SLC38A8: variants seen among roughly 807,000 people sequenced by gnomAD.
SLC38A8 encodes amino acid transporter SLC38A8.
SLC38A8 carries 65 observed loss-of-function variants against 46.0 expected under a neutral mutation model. The ratio of observed to expected loss-of-function variants is 1.41; its 90% CI spans 1.16 to 1.74. SLC38A8 has a LOEUF of 1.74. Among genes scored for constraint, SLC38A8 ranks in the 40% most tolerant of loss-of-function variants. SLC38A8 has a pLI of 0.00. For missense variants in SLC38A8, 998 were observed against 567.9 expected (o/e 1.76, Z -7.70); for synonymous variants, 447 against 243.7 (o/e 1.83, Z -7.77).
At chr16:84,025,106 C>T (rs1057176682) in intron 6 of SLC38A8, among the ~76,000 whole-genome samples, 1 of 152,200 alleles carries the variant, frequency 6.6e-6, no homozygotes, top group Non-Finnish European at 1.5e-5. Flanking sequence ...TACTGATGTA[C>T]AGCCAGGGCT....
rs767949780 is a variant in SLC38A8, at chr16:84,023,338, T to C, written c.691-449A>G. Among the ~76,000 whole-genome samples the C allele has an allele frequency of 6.7e-4, 102 of 152,216 alleles. No individual in the cohort carries two copies. The Middle Eastern group carries it at 0.02, about 30-fold the overall frequency. On this transcript the variant is annotated intron_variant, in intron 6 of 10. Transcript: ENST00000299709. ...GGACTTGCATCAGGAATAAAGGCTC[T>C]TGTACTCCTTTGCTCGGGTGTGCTC...
At chr16:84,013,425 T>TG (rs1491102812) in intron 9 of SLC38A8, among the ~76,000 whole-genome samples, 57 of 43,282 alleles carry the variant, frequency 1.3e-3, no homozygotes, top group Non-Finnish European at 1.9e-3. Flanking sequence ...TGTGTGTGTG[T>TG]TTTTTTTTTT....
intron 6 of SLC38A8, among the ~76,000 whole-genome samples, chr16:84,026,415 TG>T (rs1273813032): frequency 1.3e-5 from 2 of 152,132 alleles, no homozygotes; most frequent in Admixed American, 1.3e-4. Context: ...TTAGTGAAGA[TG>T]GGGTTTCACC....
intron 3 of SLC38A8, among the ~76,000 whole-genome samples, chr16:84,034,090 C>G (rs1402213153): frequency 5.9e-5 from 9 of 152,210 alleles, no homozygotes; most frequent in Admixed American, 4.6e-4. Context: ...TGGCTCCCCA[C>G]AACACCTACT....
intron 9 of SLC38A8, among the ~76,000 whole-genome samples, chr16:84,016,168 G>A (rs762869705): frequency 6.6e-6 from 1 of 152,252 alleles, no homozygotes; most frequent in Non-Finnish European, 1.5e-5. Flanking sequence ...CAGATCTCAT[G>A]AGACTTATTC....
chr16:84,030,657 G>T (rs2085227056), intron 5 of SLC38A8, among the ~76,000 whole-genome samples: 1 of 152,136 alleles, frequency 6.6e-6, no homozygotes, highest in Admixed American at 6.5e-5. Context: ...CAAGCTGAGA[G>T]CTCCAAGTTA....
intron 7 of SLC38A8, among the ~76,000 whole-genome samples, chr16:84,019,409 A>C (rs996397067): frequency 2.6e-5 from 4 of 152,112 alleles, no homozygotes; most frequent in Non-Finnish European, 4.4e-5. Context: ...TAATGTACCA[A>C]TTTGGCATAC....
intron 6 of SLC38A8, among the ~76,000 whole-genome samples, chr16:84,026,603 G>C (rs1472171236): frequency 2.6e-5 from 4 of 152,232 alleles, no homozygotes; most frequent in African/African-American, 4.8e-5. Context: ...GCAGTGGGCA[G>C]TTGCTCGGTG....
rs750811149 is a variant in SLC38A8 at position 84,042,114 on chromosome 16, G to T, written c.44C>A (p.Pro15His). 1.2e-6 allele frequency: 2 copies of T among 1,613,734 alleles called. No homozygotes were observed. The highest frequency in any genetic ancestry group is 2.7e-5 in the African/African-American group (2 of 74,916). ...AGTGGCAGCAGCCGTGGCAGGGTGA[G>T]GCTTTTCTGGAAGGCCCCTGCTTCC... ...TPGSRGLPEK[P>H]HPATAAATLS... Residue 15 changes from proline to histidine, a missense_variant, in exon 2 of 11, where the codon CCT becomes CAT. Transcript: ENST00000299709.
intron 6 of SLC38A8, among the ~76,000 whole-genome samples, chr16:84,025,269 C>T (rs1487470002): frequency 6.6e-6 from 1 of 152,174 alleles, no homozygotes; most frequent in Non-Finnish European, 1.5e-5. Flanking sequence ...CGTGCCAAGG[C>T]CTCATTCCTG....
intron 5 of SLC38A8, among the ~76,000 whole-genome samples, chr16:84,031,063 C>G (rs991692555): frequency 5.3e-5 from 8 of 152,078 alleles, no homozygotes; most frequent in Non-Finnish European, 1.0e-4. Context: ...TTTTTTGAGA[C>G]AGAGTCTTGC....
intron 9 of SLC38A8, among the ~76,000 whole-genome samples, chr16:84,014,439 A>C (rs537050013): frequency 1.3e-5 from 2 of 150,240 alleles, no homozygotes; most frequent in Admixed American, 1.3e-4. Context: ...CACACCCCTC[A>C]CCTCTGAAAG....
chr16:84,032,858 G>A (rs200315465), intron 4 of SLC38A8, among the ~76,000 whole-genome samples: 10 of 152,114 alleles, frequency 6.6e-5, no homozygotes, highest in East Asian at 3.9e-4. Context: ...ACACATGTGC[G>A]TGCATGGGCA....
rs142554212 is a variant in SLC38A8 at position 84,018,162 on chromosome 16, G to A, written c.806-875C>T. Among the ~76,000 whole-genome samples, 8 of 148,828 alleles carry A rather than the reference G, an allele frequency of 5.4e-5. No individual in the cohort carries two copies. In the East Asian group the frequency reaches 1.7e-3, roughly 31 times the overall value. On this transcript the variant is annotated intron_variant, in intron 7 of 10. Transcript: ENST00000299709. ...GAGGGCCTTCTTGCCAATGGGGACT[G>A]TCTTCAGAGGTGGCATAGGGCATTG... is the stretch of plus-strand genomic sequence containing the variant.
At position 84,022,647 on chromosome 16, in the gene SLC38A8, A is replaced by C. The variant is rs1340625543; in HGVS notation, c.805+128T>G. 7.0e-6 allele frequency: 5 copies of C among 712,870 alleles called. No homozygotes were observed. The African/African-American group carries it at 9.1e-5, about 13-fold the overall frequency. 44.2% of individuals were successfully genotyped at this position (712,870 alleles called of 1,614,324 possible). Reference sequence around the variant, plus strand: ...CTTTTCCTATGCACACTAAGGATTAAATAAGATGCTCAAAACATTGAGTAT... The same window carrying C: ...CTTTTCCTATGCACACTAAGGATTACATAAGATGCTCAAAACATTGAGTAT... On this transcript the variant is annotated intron_variant, in intron 7 of 10. Coordinates refer to ENST00000299709, the MANE Select transcript of SLC38A8 (RefSeq NM_001080442.3).
chr16:84,031,461 C>T lies in SLC38A8; in HGVS notation c.632+406G>A, dbSNP rs564532939. The stretch of plus-strand genomic sequence containing the variant: ...CTCGCCGTGGCTCTGAATCCCTGTA[C>T]GACATCCCCGCCCATGCTCTCTGCC... On this transcript the variant is annotated intron_variant, in intron 5 of 10. Transcript: ENST00000299709. 5.7e-4 allele frequency among the ~76,000 whole-genome samples: 87 copies of T among 152,334 alleles called. 1 individual carries two copies. The Middle Eastern group carries it at 0.014, about 24-fold the overall frequency.
At chr16:84,025,062 G>A (rs553239326) in intron 6 of SLC38A8, among the ~76,000 whole-genome samples, 7 of 152,262 alleles carry the variant, frequency 4.6e-5, no homozygotes, top group African/African-American at 1.4e-4. Flanking sequence ...TGGGTGGGTC[G>A]TGGACATTGG....
chr16:84,011,813 G>T (rs966247036), intron 10 of SLC38A8, among the ~76,000 whole-genome samples: 1 of 152,190 alleles, frequency 6.6e-6, no homozygotes, highest in Non-Finnish European at 1.5e-5. Context: ...GAGCCCAGGG[G>T]GTTGAGGCTG....
chr16:84,016,847 C>A, intron 8 of SLC38A8, 120 bp from the exon 9 acceptor site: 1 of 1,192,560 alleles, frequency 8.4e-7, no homozygotes, highest in South Asian at 1.6e-5. Flanking sequence ...GTTCCACACT[C>A]AGGTGTTTAT....
Sources: allele counts gnomAD v4.1 joint callset (sites outside exome capture counted in the v4.1 genomes callset), GRCh38; gene constraint gnomAD v4.1.1; transcripts MANE v1.5; gene names NCBI Gene and HGNC (gene_info 2026-07-23, HGNC 2026-07-21).